Variants in GNB5 observed in about 807,000 individuals in gnomAD.
The protein encoded by GNB5 is G protein subunit beta 5.
A neutral mutation model predicts 55.3 loss-of-function variants in GNB5; 37 were observed. The ratio of observed to expected loss-of-function variants is 0.67; its 90% CI spans 0.51 to 0.88. The LOEUF (loss-of-function observed/expected upper bound fraction) is 0.88, where lower values mean the gene tolerates loss of function less well. Among genes scored for constraint, GNB5 ranks in the 40% least tolerant of loss-of-function variants. The pLI is 0.00. For synonymous variants in GNB5, 219 were observed against 198.5 expected (o/e 1.10, Z -0.87); for missense variants, 476 against 515.3 (o/e 0.92, Z 0.74).
intron 7 of GNB5, among the ~76,000 whole-genome samples, chr15:52,140,477 C>T (rs1169424163): frequency 6.6e-6 from 1 of 152,214 alleles, no homozygotes; most frequent in African/African-American, 2.4e-5. Context: ...TCCCCAGTTC[C>T]CCCACTGTCC....
rs1384956266 is a variant in GNB5 at position 52,149,880 on chromosome 15, T to C, written c.417+4A>G. On this transcript the variant is annotated splice_donor_region_variant and intron_variant, in intron 5 of 12. Coordinates refer to ENST00000261837, the MANE Select transcript of GNB5 (RefSeq NM_016194.4). The stretch of plus-strand genomic sequence containing the variant: ...CTATAACGTGGCTGGGAACAATGCC[T>C]CACCTTGTTTGTGGTGAAGGAATCC... 1 of 1,607,470 alleles carries C rather than the reference T, an allele frequency of 6.2e-7. No individual in the cohort carries two copies. Among genetic ancestry groups the C allele is most frequent in the East Asian group, 2.2e-5 (1 of 44,854 alleles).
At chr15:52,161,674 T>G (rs2034336777) in intron 3 of GNB5, among the ~76,000 whole-genome samples, 1 of 152,246 alleles carries the variant, frequency 6.6e-6, no homozygotes, top group African/African-American at 2.4e-5. Flanking sequence ...GAAACCTGCC[T>G]GGGTCTTGGC....
intron 7 of GNB5, among the ~76,000 whole-genome samples, chr15:52,136,448 G>A (rs1286517891): frequency 6.6e-6 from 1 of 152,208 alleles, no homozygotes. Flanking sequence ...GGATACTGAT[G>A]CATACACATC....
rs971487791 is a variant in GNB5 at position 52,180,018 on chromosome 15, G to C, written c.127-139C>G. The C allele has an allele frequency of 6.2e-6, 7 of 1,129,106 alleles. No homozygotes were observed. The Admixed American group carries it at 2.7e-4, about 44-fold the overall frequency. The allele number at this position is 1,129,106 out of a possible 1,614,324, so 69.9% of individuals were successfully genotyped here. The stretch of plus-strand genomic sequence containing the variant: ...CTCCGCGATGACGCCAGCAGCTGCG[G>C]GCCCGGCTGCTGCGCCTGAGCCCCA... On this transcript the variant is annotated intron_variant, in intron 2 of 12. Transcript: ENST00000261837.
At chr15:52,172,928 T>C (rs1490855857) in intron 3 of GNB5, among the ~76,000 whole-genome samples, 1 of 152,226 alleles carries the variant, frequency 6.6e-6, no homozygotes, top group African/African-American at 2.4e-5. Context: ...TTTGGCACTT[T>C]GCTTTTTATT....
intron 1 of GNB5, among the ~76,000 whole-genome samples, chr15:52,187,966 A>T (rs1021005656): frequency 5.7e-5 from 5 of 87,170 alleles, no homozygotes; most frequent in Non-Finnish European, 1.2e-4. Flanking sequence ...ATTAAAAATT[A>T]AAAATAAATA....
At chr15:52,133,630 C>T (rs932139867) in intron 8 of GNB5, among the ~76,000 whole-genome samples, 161 bp from the exon 9 acceptor site, 2 of 152,226 alleles carry the variant, frequency 1.3e-5, no homozygotes, top group Non-Finnish European at 2.9e-5. Context: ...TTTCCTTAGT[C>T]AGAAAGCCCT....
chr15:52,184,723 G>C (rs758076943), intron 1 of GNB5, 29 bp from the exon 2 acceptor site: 28 of 1,588,536 alleles, frequency 1.8e-5, no homozygotes, highest in Non-Finnish European at 2.3e-5. Context: ...AAGGGAGGGG[G>C]TGTGAGAAAA....
In GNB5 at chr15:52,149,734, AG is replaced by A. The variant is rs2034050789; in HGVS notation, c.417+149del. The A allele has an allele frequency of 3.6e-5, 26 of 716,528 alleles. 1 individual carries two copies. The Middle Eastern group carries it at 2.8e-3, about 77-fold the overall frequency. The allele number at this position is 716,528 out of a possible 1,614,324, so 44.4% of individuals were successfully genotyped here. On this transcript the variant is annotated intron_variant, in intron 5 of 12. Coordinates refer to ENST00000261837, the MANE Select transcript of GNB5 (RefSeq NM_016194.4). ...CTGGCTGAGCTGTTCAAACACGGAT[AG>A]GCCTTCTTGGGGTTTCCATCCGTAG...
rs2034058366 is a variant in GNB5 at position 52,150,021 on chromosome 15, G to A, written c.376-96C>T. On this transcript the variant is annotated intron_variant, in intron 4 of 12. Coordinates refer to ENST00000261837, the MANE Select transcript of GNB5 (RefSeq NM_016194.4). ...AAAGCTGTGTCCAGCAGGGCAGTGTGAAGTAGAAAGCCAGAATGAGGATCT... is the reference window on the plus strand; with the variant it reads ...AAAGCTGTGTCCAGCAGGGCAGTGTAAAGTAGAAAGCCAGAATGAGGATCT... 4.5e-6 allele frequency: 4 copies of A among 896,908 alleles called. No homozygotes were observed. The East Asian group carries it at 7.2e-5, about 16-fold the overall frequency. 55.6% of individuals were successfully genotyped at this position (896,908 alleles called of 1,614,324 possible).
chr15:52,156,240 G>A (rs2034205495), intron 3 of GNB5, among the ~76,000 whole-genome samples: 1 of 152,180 alleles, frequency 6.6e-6, no homozygotes, highest in South Asian at 2.1e-4. Context: ...AGGTTCCCAT[G>A]ACCTTCTGAC....
At chr15:52,172,832 C>T (rs978917840) in intron 3 of GNB5, among the ~76,000 whole-genome samples, 2 of 152,110 alleles carry the variant, frequency 1.3e-5, no homozygotes, top group Non-Finnish European at 2.9e-5. Context: ...CCCTCTCTAG[C>T]GATAACAAGT....
chr15:52,168,009 T>C (rs184021753), intron 3 of GNB5, among the ~76,000 whole-genome samples: 121 of 152,268 alleles, frequency 7.9e-4, no homozygotes, highest in Non-Finnish European at 1.1e-3. Context: ...TATCTCAAAA[T>C]AGTAAGAGCC....
rs1409088574 is a variant in GNB5 at position 52,117,606 on chromosome 15, A to T, written c.*5151T>A. 4 of 152,294 alleles carry T rather than the reference A, an allele frequency of 2.6e-5. No individual in the cohort carries two copies. The highest frequency in any genetic ancestry group is 9.6e-5 in the African/African-American group (4 of 41,466). 9.4% of individuals were successfully genotyped at this position (152,294 alleles called of 1,614,324 possible). On this transcript the variant is annotated 3_prime_UTR_variant, in exon 13 of 13. Transcript: ENST00000261837. ...AGGCCAGAGTCCCCTGTGGAGACTG[A>T]CCAACCCTGAAGGCCAGCCTGGCTC...
At chr15:52,153,182 T>C (rs2034137166) in intron 4 of GNB5, among the ~76,000 whole-genome samples, 1 of 152,232 alleles carries the variant, frequency 6.6e-6, no homozygotes, top group South Asian at 2.1e-4. Flanking sequence ...TGGCCCTGCC[T>C]CTGCCCCTTC....
At chr15:52,156,503 A>G (rs1448907625) in intron 3 of GNB5, among the ~76,000 whole-genome samples, 1 of 152,206 alleles carries the variant, frequency 6.6e-6, no homozygotes, top group Non-Finnish European at 1.5e-5. Context: ...AGGCCAAGGT[A>G]GGTGGACTGC....
At chr15:52,139,340 C>G (rs1340058992) in intron 7 of GNB5, among the ~76,000 whole-genome samples, 1 of 152,016 alleles carries the variant, frequency 6.6e-6, no homozygotes, top group African/African-American at 2.4e-5. Flanking sequence ...ACAGGCCTAC[C>G]AGCTACTTGG....
chr15:52,156,937 CTTTT>C (rs996188157), intron 3 of GNB5, among the ~76,000 whole-genome samples: 1 of 138,022 alleles, frequency 7.2e-6, no homozygotes. Flanking sequence ...TTTCCAAATT[CTTTT>C]TTTTTTTTTT....
chr15:52,143,257 C>T (rs1566938176), intron 6 of GNB5, among the ~76,000 whole-genome samples: 1 of 152,120 alleles, frequency 6.6e-6, no homozygotes, highest in Non-Finnish European at 1.5e-5. Flanking sequence ...CTCCCTGACC[C>T]CTGAGCTGGG....
Sources: allele counts gnomAD v4.1 joint callset (sites outside exome capture counted in the v4.1 genomes callset), GRCh38; gene constraint gnomAD v4.1.1; transcripts MANE v1.5; gene names NCBI Gene and HGNC (gene_info 2026-07-23, HGNC 2026-07-21).